Variants in SIRT7 observed in about 807,000 individuals in gnomAD.
SIRT7 encodes the protein sirtuin 7.
Under a neutral mutation model 42.8 loss-of-function variants are expected in SIRT7, and 32 were observed. That is an observed-to-expected ratio of 0.75 (90% CI 0.56 to 1.00). The LOEUF (loss-of-function observed/expected upper bound fraction) is 1.00. Ranked by LOEUF, SIRT7 falls within the 50% of genes least tolerant of loss-of-function variation. SIRT7 has a pLI of 0.00. For synonymous variants in SIRT7, 297 were observed against 245.2 expected, an observed-to-expected ratio of 1.21 and a Z score of -1.97; for missense variants, 553 against 572.2, an observed-to-expected ratio of 0.97 and a Z score of 0.34.
rs2040677404 is a variant in SIRT7, at chr17:81,912,203, G to A, written c.*213C>T. The A allele has an allele frequency of 4.9e-6, 3 of 616,076 alleles. No individual in the cohort carries two copies. The highest frequency in any genetic ancestry group is 1.9e-5 in the South Asian group (1 of 52,496). 38.2% of individuals were successfully genotyped at this position (616,076 alleles called of 1,614,324 possible). On this transcript the variant is annotated 3_prime_UTR_variant, in exon 10 of 10. Coordinates refer to ENST00000328666, the MANE Select transcript of SIRT7 (RefSeq NM_016538.3). ...TGCGGCTGCCACCTCTTGACACAGA[G>A]GCCGGATGGGCAGGTGTCCTCGATG...
Position 81,914,284 on chromosome 17 carries a change from C to T in SIRT7, c.816+10G>A, listed in dbSNP as rs201306808. ...GGGCTCGGTTCACTCATTGTGTCAT[C>T]GGCACGTACCTTCAGGCTGGACCCT... On this transcript the variant is annotated intron_variant, in intron 7 of 9. Coordinates refer to ENST00000328666, the MANE Select transcript of SIRT7 (RefSeq NM_016538.3). The T allele has an allele frequency of 3.7e-6, 6 of 1,612,940 alleles. No individual in the cohort carries two copies. The highest frequency in any genetic ancestry group is 1.7e-5 in the Admixed American group (1 of 60,014).
chr17:81,915,034 G>T, intron 5 of SIRT7: 1 of 491,838 alleles, frequency 2.0e-6, no homozygotes, highest in Non-Finnish European at 3.7e-6. Context: ...ATGCTCTCTT[G>T]GGTCATGACA....
chr17:81,914,803 C>T, intron 5 of SIRT7, 101 bp from the exon 6 acceptor site: 1 of 936,522 alleles, frequency 1.1e-6, no homozygotes, highest in Non-Finnish European at 1.7e-6. Context: ...CCGCCGATGG[C>T]TCCCAAAACC....
Position 81,913,523 on chromosome 17 carries a change from G to C in SIRT7, c.1004+251C>G. The stretch of plus-strand genomic sequence containing the variant: ...GAGCTCCACGGGGAGGCCTGGAGCA[G>C]GAGCACGCGGGCAGAATCCCTCTCC... On this transcript the variant is annotated intron_variant, in intron 9 of 9. Coordinates refer to ENST00000328666, the MANE Select transcript of SIRT7 (RefSeq NM_016538.3). This position sits in a 1 kb window ranked among gnomAD's most constrained non-coding sequence, Gnocchi z 5.0. 2.0e-6 allele frequency: 1 copy of C among 500,980 alleles called. No individual in the cohort carries two copies. Among genetic ancestry groups the C allele is most frequent in the East Asian group, 3.8e-5 (1 of 26,646 alleles). The allele number at this position is 500,980 out of a possible 1,614,324, so 31.0% of individuals were successfully genotyped here.
At position 81,918,056 on chromosome 17, in the gene SIRT7, T is replaced by G; in HGVS notation, c.76A>C (p.Arg26=). The G allele has an allele frequency of 6.5e-7, 1 of 1,527,558 alleles. No homozygotes were observed. The highest frequency in any genetic ancestry group is 2.7e-5 in the East Asian group (1 of 37,410). 94.6% of individuals were successfully genotyped at this position (1,527,558 alleles called of 1,614,324 possible). The change falls in exon 1 of 10, where the codon AGG becomes CGG. Residue 26 remains arginine (R), a synonymous_variant. Transcript: ENST00000328666. ...RVRRLREEQQ[R]ERLRQVSRIL... is the part of the protein sequence containing the mutation. ...CGGCGTACCTGGCGGAGGCGCTCCCTCTGCTGCTCCTCCCGCAACCTCCGG... is the reference window on the plus strand; with the variant it reads ...CGGCGTACCTGGCGGAGGCGCTCCCGCTGCTGCTCCTCCCGCAACCTCCGG...
chr17:81,917,833 C>A lies in SIRT7; in HGVS notation c.228G>T (p.Glu76Asp). 1 of 1,436,402 alleles carries A rather than the reference C, an allele frequency of 7.0e-7. No individual in the cohort carries two copies. The highest frequency in any genetic ancestry group is 9.1e-7 in the Non-Finnish European group (1 of 1,099,930). The allele number at this position is 1,436,402 out of a possible 1,614,324, so 89.0% of individuals were successfully genotyped here. A position where few individuals can be genotyped will look rare whatever the true frequency, so the allele number is the denominator to read the frequency against. Residue 76 changes from glutamate (E) to aspartate (D), a missense_variant, in exon 2 of 10, where the codon GAG becomes GAT. Glu to Asp is a conservative substitution (Grantham distance 45). Coordinates refer to ENST00000328666, the MANE Select transcript of SIRT7 (RefSeq NM_016538.3). ...RRREGLKRRQ[E>D]EVCDDPEELR... ...GCGCGCCGCACGCGGAACTCGCCTC[C>A]TCCTGCCGCCGCTTCAGGCCCTCGC...
intron 3 of SIRT7, chr17:81,916,729 T>A (rs947925056): frequency 1.3e-5 from 2 of 152,228 alleles, no homozygotes; most frequent in African/African-American, 4.8e-5. Context: ...CCTCCCAAAG[T>A]GCTAGGATTA....
chr17:81,912,320 A>G lies in SIRT7; in HGVS notation c.*96T>C. On this transcript the variant is annotated 3_prime_UTR_variant, in exon 10 of 10. Transcript: ENST00000328666. ...TGTCACGGTGAAAATGTCATCCCCA[A>G]AGAGTTCGTTCTCCCTAGACCCGTG... 1 of 1,451,098 alleles carries G rather than the reference A, an allele frequency of 6.9e-7. No individual in the cohort carries two copies. Among genetic ancestry groups the G allele is most frequent in the Non-Finnish European group, 9.7e-7 (1 of 1,034,372 alleles). 89.9% of individuals were successfully genotyped at this position (1,451,098 alleles called of 1,614,324 possible). A position where few individuals can be genotyped will look rare whatever the true frequency, so the allele number is the denominator to read the frequency against.
chr17:81,913,590 G>T lies in SIRT7; in HGVS notation c.1004+184C>A, dbSNP rs1465080601. 3.4e-6 allele frequency: 2 copies of T among 595,580 alleles called. No homozygotes were observed. The highest frequency in any genetic ancestry group is 1.9e-5 in the South Asian group (1 of 51,588). 36.9% of individuals were successfully genotyped at this position (595,580 alleles called of 1,614,324 possible). On this transcript the variant is annotated intron_variant, in intron 9 of 9. Transcript: ENST00000328666. This position sits in a 1 kb window ranked among gnomAD's most constrained non-coding sequence, Gnocchi z 5.0. ...TGCCACATCAGCCAGGGCAGGAGTG[G>T]CACACGCAGGGTCTCCGCCAACCAC...
In SIRT7 at chr17:81,914,041, T is replaced by G. The variant is rs202127881; in HGVS notation, c.897+46A>C. The G allele has an allele frequency of 3.7e-6, 6 of 1,608,612 alleles. No homozygotes were observed. The South Asian group carries it at 6.6e-5, about 18-fold the overall frequency. On this transcript the variant is annotated intron_variant, in intron 8 of 9. Coordinates refer to ENST00000328666, the MANE Select transcript of SIRT7 (RefSeq NM_016538.3). ...GGTGTGGGGTGTCTCTGGCTGTGCG[T>G]TCTAAGACCCAGATCTAAGGACGTG...
In SIRT7 at chr17:81,914,390, C is replaced by T. The variant is rs756121872; in HGVS notation, c.720G>A (p.Gly240=). ...TQLRDTIVHF[G]ERGTLGQPLN... is the part of the protein sequence containing the mutation. ...AAGGCTGCCCCAACGTCCCCCTCTC[C>T]CCAAAGTGCACAATGGTGTCCCGCA... The change falls in exon 7 of 10, where the codon GGG becomes GGA. Residue 240 remains glycine, a synonymous_variant. Coordinates refer to ENST00000328666, the MANE Select transcript of SIRT7 (RefSeq NM_016538.3). 1 of 1,613,228 alleles carries T rather than the reference C, an allele frequency of 6.2e-7. No homozygotes were observed. The highest frequency in any genetic ancestry group is 1.1e-5 in the South Asian group (1 of 91,084).
rs746304894 is a variant in SIRT7 at position 81,912,517 on chromosome 17, G to C, written c.1102C>G (p.Pro368Ala). ...KSLCRSREEA[P>A]PGDRGAPLSS... ...AGCGGTGCACCCCGGTCCCCAGGCG[G>C]GGCCTCCTCTCTGCTTCTGCACAGC... Residue 368 changes from proline to alanine, a missense_variant, in exon 10 of 10, where the codon CCG (proline) becomes GCG (alanine). Transcript: ENST00000328666. 8 of 1,613,856 alleles carry C rather than the reference G, an allele frequency of 5.0e-6. No homozygotes were observed. In the South Asian group the frequency reaches 7.7e-5, roughly 16 times the overall value.
chr17:81,915,912 C>A (rs985695191), intron 3 of SIRT7: 7 of 544,388 alleles, frequency 1.3e-5, no homozygotes, highest in Non-Finnish European at 1.7e-5. Flanking sequence ...GCTCATCCTT[C>A]CAGGCTGCAC....
intron 3 of SIRT7, chr17:81,917,368 C>T: frequency 5.0e-6 from 2 of 403,478 alleles, no homozygotes; most frequent in Non-Finnish European, 8.8e-6. Context: ...GGGCTTAGCT[C>T]TGTCCACATA....
chr17:81,917,932 G>A lies in SIRT7; in HGVS notation c.129C>T (p.Arg43=), dbSNP rs1336431291. 1.9e-5 allele frequency: 26 copies of A among 1,394,070 alleles called. No homozygotes were observed. Among genetic ancestry groups the A allele is most frequent in the South Asian group, 1.6e-4 (10 of 62,892 alleles). The allele number at this position is 1,394,070 out of a possible 1,614,324, so 86.4% of individuals were successfully genotyped here. A position where few individuals can be genotyped will look rare whatever the true frequency, so the allele number is the denominator to read the frequency against. ...SRILRKAAAE[R]SAEEGRLLAE... is the part of the protein sequence containing the mutation. Reference sequence around the variant, plus strand: ...CCAGCAGCCGGCCCTCCTCGGCGCTGCGCTCCGCCGCCGCCTTCCTCAGGA... The same window carrying A: ...CCAGCAGCCGGCCCTCCTCGGCGCTACGCTCCGCCGCCGCCTTCCTCAGGA... The change falls in exon 2 of 10, where the codon CGC becomes CGT. Residue 43 remains arginine, a synonymous_variant. Coordinates refer to ENST00000328666, the MANE Select transcript of SIRT7 (RefSeq NM_016538.3).
chr17:81,915,703 A>G, intron 3 of SIRT7, 22 bp from the exon 4 acceptor site: 1 of 1,612,446 alleles, frequency 6.2e-7, no homozygotes, highest in Non-Finnish European at 8.5e-7. Context: ...GAAAAAAGGT[A>G]AGCCAAGTCA....
intron 3 of SIRT7, 55 bp from the exon 4 acceptor site, chr17:81,915,736 G>A: frequency 6.3e-7 from 1 of 1,583,306 alleles, no homozygotes; most frequent in Non-Finnish European, 8.6e-7. Flanking sequence ...GTAGGTACTG[G>A]CAGAATTCCC....
Position 81,912,590 on chromosome 17 carries a change from C to T in SIRT7, c.1029G>A (p.Leu343=). 6.2e-7 allele frequency: 1 copy of T among 1,613,418 alleles called. No homozygotes were observed. The highest frequency in any genetic ancestry group is 8.5e-7 in the Non-Finnish European group (1 of 1,179,940). ...YSRWQDPIFS[L]ATPLRAGEEG... ...CTTCACCAGCACGCAGGGGAGTCGC[C>T]AGTGAGAAAATGGGATCCTGCCACC... The change falls in exon 10 of 10, where the codon CTG becomes CTA. Residue 343 remains leucine, a synonymous_variant. Coordinates refer to ENST00000328666, the MANE Select transcript of SIRT7 (RefSeq NM_016538.3).
intron 3 of SIRT7, 123 bp downstream of exon 3, chr17:81,917,492 G>T: frequency 1.2e-6 from 1 of 821,538 alleles, no homozygotes; most frequent in African/African-American, 1.8e-5. Context: ...GTTTACCTTA[G>T]GTAAGTTTTG....
Sources: gnomAD v4.1 joint callset for allele counts on GRCh38, gnomAD v4.1.1 for gene constraint, Gnocchi (gnomAD v3.1) non-coding constraint, MANE v1.5 for transcripts, NCBI Gene and HGNC (gene_info 2026-07-23, HGNC 2026-07-21) for gene names.